Variants in CLDN10 observed in about 807,000 individuals in gnomAD.
The protein encoded by CLDN10 is claudin-10.
CLDN10 carries 15 observed loss-of-function variants against 22.9 expected under a neutral mutation model. That is an observed-to-expected ratio of 0.65 (90% CI 0.44 to 1.01). CLDN10 has a LOEUF of 1.01. CLDN10 is among the 50% of genes least tolerant of loss of function. The pLI is 0.00. For synonymous variants in CLDN10, 114 were observed against 111.4 expected (o/e 1.02, Z -0.15); for missense variants, 247 against 287.8 (o/e 0.86, Z 1.03).
chr13:95,535,814 G>A (rs2043394840), intron 1 of CLDN10, among the ~76,000 whole-genome samples: 2 of 152,174 alleles, frequency 1.3e-5, no homozygotes, highest in Admixed American at 6.5e-5. Context: ...GAGACGAATC[G>A]TGGAACAGGC....
intron 1 of CLDN10, among the ~76,000 whole-genome samples, chr13:95,555,933 T>C (rs1157444715): frequency 2.6e-5 from 4 of 152,152 alleles, no homozygotes; most frequent in Non-Finnish European, 5.9e-5. Flanking sequence ...AGGTATGAGC[T>C]CTAGATTGGG....
At chr13:95,489,831 A>G (rs577855076) in intron 1 of CLDN10, among the ~76,000 whole-genome samples, 34 of 152,298 alleles carry the variant, frequency 2.2e-4, no homozygotes, top group Admixed American at 5.2e-4. Flanking sequence ...GTTATCTTCT[A>G]CAATATTTAT....
intron 1 of CLDN10, among the ~76,000 whole-genome samples, chr13:95,478,688 C>T (rs908864232): frequency 8.5e-5 from 13 of 152,202 alleles, no homozygotes; most frequent in African/African-American, 2.4e-4. Flanking sequence ...TGCTTGTATT[C>T]TGCTTCCCCC....
At chr13:95,477,782 C>G (rs962299630) in intron 1 of CLDN10, among the ~76,000 whole-genome samples, 1 of 152,112 alleles carries the variant, frequency 6.6e-6, no homozygotes, top group Non-Finnish European at 1.5e-5. Flanking sequence ...CTGCAACACC[C>G]TCAGGTAACC....
chr13:95,517,891 G>A (rs986970550), intron 1 of CLDN10, among the ~76,000 whole-genome samples: 6 of 136,988 alleles, frequency 4.4e-5, no homozygotes, highest in South Asian at 2.3e-4. Context: ...CTGAGATCGC[G>A]CCATTGCACT....
intron 3 of CLDN10, among the ~76,000 whole-genome samples, chr13:95,575,393 G>A (rs2043910513): frequency 6.6e-6 from 1 of 152,206 alleles, no homozygotes; most frequent in Non-Finnish European, 1.5e-5. Flanking sequence ...TGCACCTCCA[G>A]TTTGGCAGGC....
At chr13:95,488,129 C>T (rs1048030000) in intron 1 of CLDN10, among the ~76,000 whole-genome samples, 5 of 151,494 alleles carry the variant, frequency 3.3e-5, no homozygotes, top group Non-Finnish European at 5.9e-5. Flanking sequence ...GGATTACCAG[C>T]GCCTGCCACC....
intron 1 of CLDN10, among the ~76,000 whole-genome samples, chr13:95,554,596 C>T (rs2043610526): frequency 6.6e-6 from 1 of 152,106 alleles, no homozygotes. Flanking sequence ...TTATGCCATC[C>T]AGCTTGCAAA....
chr13:95,563,224 G>A (rs2043741845), intron 3 of CLDN10, among the ~76,000 whole-genome samples: 2 of 151,876 alleles, frequency 1.3e-5, no homozygotes, highest in Admixed American at 1.3e-4. Context: ...GAGAGAGAGA[G>A]AGAGAGAGAG....
intron 1 of CLDN10, among the ~76,000 whole-genome samples, chr13:95,538,609 T>C (rs1174860228): frequency 3.9e-5 from 6 of 152,190 alleles, no homozygotes; most frequent in Admixed American, 3.3e-4. Flanking sequence ...CGCTCTGAAA[T>C]CCTCACGCTG....
intron 1 of CLDN10, among the ~76,000 whole-genome samples, chr13:95,467,038 G>A (rs1438645630): frequency 7.8e-6 from 1 of 127,540 alleles, no homozygotes; most frequent in Non-Finnish European, 1.6e-5. Flanking sequence ...CACCATGCCC[G>A]TTTTTTTTTT....
At chr13:95,551,724 C>T (rs2043568748), upstream of CLDN10, among the ~76,000 whole-genome samples, 1 of 152,112 alleles carries the variant, frequency 6.6e-6, no homozygotes, top group Non-Finnish European at 1.5e-5. Flanking sequence ...TTTAAGTGGA[C>T]AAATAATAAC....
chr13:95,455,664 C>T (rs949839831), intron 1 of CLDN10, among the ~76,000 whole-genome samples: 16 of 152,098 alleles, frequency 1.1e-4, no homozygotes, highest in African/African-American at 3.6e-4. Flanking sequence ...TACATTTCTT[C>T]CTTTGTTTGC....
At chr13:95,449,789 G>T (rs1178374596) in intron 1 of CLDN10, among the ~76,000 whole-genome samples, 1 of 147,440 alleles carries the variant, frequency 6.8e-6, no homozygotes, top group East Asian at 2.0e-4. Context: ...TGTCTCCCAG[G>T]CTGGAGTGCA....
chr13:95,488,255 AAAAG>A (rs1449629523), intron 1 of CLDN10, among the ~76,000 whole-genome samples: 9 of 151,986 alleles, frequency 5.9e-5, no homozygotes, highest in African/African-American at 2.2e-4. Flanking sequence ...AAAAAAAAAA[AAAAG>A]AAAGATGCAA....
At chr13:95,440,348 T>C (rs551478021) in intron 1 of CLDN10, among the ~76,000 whole-genome samples, 30 of 152,234 alleles carry the variant, frequency 2.0e-4, no homozygotes, top group Non-Finnish European at 3.8e-4. Context: ...GATTAGTTTT[T>C]ATGCTATGTC....
In CLDN10 at chr13:95,577,913, G is replaced by A. The variant is rs753423085; in HGVS notation, c.586G>A (p.Gly196Arg). ...NNKTPRYTYN[G>R]ATSVMSSRTK... ...TTTACCTTTCAGATACACATACAAC[G>A]GGGCCACATCTGTCATGTCTTCTCG... Residue 196 changes from glycine to arginine, a missense_variant, in exon 5 of 5, where the codon GGG (glycine) becomes AGG (arginine). Coordinates refer to ENST00000299339, the MANE Select transcript of CLDN10 (RefSeq NM_006984.5). 9.9e-6 allele frequency: 16 copies of A among 1,611,988 alleles called. No individual in the cohort carries two copies. Among genetic ancestry groups the A allele is most frequent in the Admixed American group, 5.0e-5 (3 of 59,922 alleles).
At chr13:95,540,194 G>A (rs1275423053) in intron 1 of CLDN10, among the ~76,000 whole-genome samples, 1 of 152,094 alleles carries the variant, frequency 6.6e-6, no homozygotes, top group Non-Finnish European at 1.5e-5. Flanking sequence ...CAGCTACTTG[G>A]GAGGCTGAGG....
At chr13:95,450,293 G>T (rs2042421385) in intron 1 of CLDN10, among the ~76,000 whole-genome samples, 2 of 152,184 alleles carry the variant, frequency 1.3e-5, no homozygotes, top group Non-Finnish European at 2.9e-5. Flanking sequence ...GGCTTTTCAA[G>T]ACTGCTTTGA....
Sources: gnomAD v4.1 joint callset for allele counts (sites outside exome capture counted in the v4.1 genomes callset) on GRCh38, gnomAD v4.1.1 for gene constraint, MANE v1.5 for transcripts, NCBI Gene and HGNC (gene_info 2026-07-23, HGNC 2026-07-21) for gene names.